Variants in PXK observed in about 807,000 individuals in gnomAD.
The protein encoded by PXK is PX domain containing serine/threonine kinase like.
In PXK, 35 loss-of-function variants were observed where a neutral mutation model predicts 84.7. The observed-to-expected ratio is 0.41, with a 90% CI of 0.32 to 0.55. The LOEUF (loss-of-function observed/expected upper bound fraction) is 0.55. PXK is among the 20% of genes least tolerant of loss of function. PXK has a pLI of 0.21. For synonymous variants in PXK, 253 were observed against 260.8 expected, an observed-to-expected ratio of 0.97 and a Z score of 0.29; for missense variants, 634 against 699.7, an observed-to-expected ratio of 0.91 and a Z score of 1.06.
rs151129246 is a variant in PXK, at chr3:58,359,399, G to T, written c.103-6475G>T. ...ACAAAAATTAGCCAGGCATGGTGGT[G>T]CGTGCCTGTAAATCCCAGCTACTCG... is the stretch of plus-strand genomic sequence containing the variant. On this transcript the variant is annotated intron_variant, in intron 1 of 17. Coordinates refer to ENST00000356151, the MANE Select transcript of PXK (RefSeq NM_017771.5). Among the ~76,000 whole-genome samples the T allele has an allele frequency of 8.3e-3, 1,254 of 151,874 alleles. 20 individuals are homozygous for T. Among genetic ancestry groups the T allele is most frequent in the African/African-American group, 0.029 (1,201 of 41,388 alleles).
At chr3:58,393,239 T>C (rs913762120) in intron 7 of PXK, among the ~76,000 whole-genome samples, 1 of 151,682 alleles carries the variant, frequency 6.6e-6, no homozygotes, top group Non-Finnish European at 1.5e-5. Context: ...TCCCAGCTAC[T>C]AGGAAGGCTG....
intron 7 of PXK, among the ~76,000 whole-genome samples, chr3:58,392,232 T>C (rs538915545): frequency 1.3e-5 from 2 of 152,198 alleles, no homozygotes; most frequent in East Asian, 3.9e-4. Flanking sequence ...AAAGGCAAAA[T>C]AGCCATTTTT....
intron 17 of PXK, chr3:58,423,512 G>C (rs1021095888): frequency 1.3e-6 from 2 of 1,535,634 alleles, no homozygotes; most frequent in Non-Finnish European, 1.7e-6. Context: ...ATTTTCTATT[G>C]TAAGACTTTA....
At position 58,394,057 on chromosome 3, in the gene PXK, A is replaced by T. The variant is rs528706655; in HGVS notation, c.616-941A>T. Reference sequence around the variant, plus strand: ...TGTGAATAGTAATGGCATGTGAATTATATCTCAACAAAGCTGTTAAAAAGT... The same window carrying T: ...TGTGAATAGTAATGGCATGTGAATTTTATCTCAACAAAGCTGTTAAAAAGT... On this transcript the variant is annotated intron_variant, in intron 7 of 17. Transcript: ENST00000356151. 2.0e-4 allele frequency among the ~76,000 whole-genome samples: 31 copies of T among 152,322 alleles called. No homozygotes were observed. In the South Asian group the frequency reaches 6.4e-3, roughly 32 times the overall value.
At chr3:58,336,071 A>ATATATATATTTTTT (rs1284780630) in intron 1 of PXK, among the ~76,000 whole-genome samples, 2 of 51,578 alleles carry the variant, frequency 3.9e-5, no homozygotes, top group Non-Finnish European at 6.5e-5. Flanking sequence ...ATATATATAT[A>ATATATATATTTTTT]TTTTTTTTTT....
At chr3:58,389,520 G>T (rs2106789189) in intron 4 of PXK, among the ~76,000 whole-genome samples, 1 of 152,146 alleles carries the variant, frequency 6.6e-6, no homozygotes, top group African/African-American at 2.4e-5. Context: ...AATAATTTTA[G>T]ATTTACATAG....
At chr3:58,369,508 A>C (rs752606274) in intron 3 of PXK, 30 bp downstream of exon 3, 16 of 1,571,842 alleles carry the variant, frequency 1.0e-5, no homozygotes, top group Non-Finnish European at 1.4e-5. Flanking sequence ...AATTACACAC[A>C]TTGATTACTT....
chr3:58,339,809 A>T (rs995584451), intron 1 of PXK, among the ~76,000 whole-genome samples: 2 of 151,828 alleles, frequency 1.3e-5, no homozygotes, highest in African/African-American at 4.8e-5. Flanking sequence ...ATTGTTCAAT[A>T]TATAGATTTT....
In PXK at chr3:58,369,418, T is replaced by C; in HGVS notation, c.154-13T>C. On this transcript the variant is annotated splice_polypyrimidine_tract_variant and intron_variant, in intron 2 of 17. Transcript: ENST00000356151. ...CTTTGCTGAATCAAAACACTACTTC[T>C]TGTCTCTTACAGATTGTTAGAAGAT... is the stretch of plus-strand genomic sequence containing the variant. 4 of 1,600,972 alleles carry C rather than the reference T, an allele frequency of 2.5e-6. No homozygotes were observed. Among genetic ancestry groups the C allele is most frequent in the Non-Finnish European group, 2.6e-6 (3 of 1,168,518 alleles).
chr3:58,364,732 A>G lies in PXK; in HGVS notation c.103-1142A>G, dbSNP rs2098245353. ...GTCTCAAAAAAAAAAAATCATTATG[A>G]AGATCAAATTATGTATTTCATATTG... On this transcript the variant is annotated intron_variant, in intron 1 of 17. Transcript: ENST00000356151. This position sits in a 1 kb window ranked among gnomAD's most constrained non-coding sequence, Gnocchi z 4.3. Among the ~76,000 whole-genome samples the G allele has an allele frequency of 6.6e-6, 1 of 152,076 alleles. No homozygotes were observed. The highest frequency in any genetic ancestry group is 1.5e-5 in the Non-Finnish European group (1 of 68,016).
At chr3:58,351,005 C>T (rs1188277233) in intron 1 of PXK, among the ~76,000 whole-genome samples, 1 of 152,170 alleles carries the variant, frequency 6.6e-6, no homozygotes, top group African/African-American at 2.4e-5. Flanking sequence ...TTTAGCAGCC[C>T]TGTTACAAGT....
chr3:58,397,764 G>A lies in PXK; in HGVS notation c.1102+42G>A. 18 of 1,485,722 alleles carry A rather than the reference G, an allele frequency of 1.2e-5. No individual in the cohort carries two copies. Among genetic ancestry groups the A allele is most frequent in the Non-Finnish European group, 1.7e-5 (18 of 1,065,238 alleles). The allele number at this position is 1,485,722 out of a possible 1,614,324, so 92.0% of individuals were successfully genotyped here. A position where few individuals can be genotyped will look rare whatever the true frequency, so the allele number is the denominator to read the frequency against. ...GAAGGGTCTTCTGGGCCCTAGTAGT[G>A]TGCAGAGCCACTCATCCCCTTTCCA... On this transcript the variant is annotated intron_variant, in intron 11 of 17. Coordinates refer to ENST00000356151, the MANE Select transcript of PXK (RefSeq NM_017771.5). This position sits in a 1 kb window ranked among gnomAD's most constrained non-coding sequence, Gnocchi z 4.7.
intron 1 of PXK, among the ~76,000 whole-genome samples, chr3:58,352,240 A>G (rs2097945657): frequency 6.6e-6 from 1 of 152,174 alleles, no homozygotes; most frequent in South Asian, 2.1e-4. Context: ...TCTTTGAGGC[A>G]GTGGAAAAGG....
At position 58,345,912 on chromosome 3, in the gene PXK, C is replaced by T. The variant is rs149109948; in HGVS notation, c.102+12822C>T. On this transcript the variant is annotated intron_variant, in intron 1 of 17. Transcript: ENST00000356151. ...CATCCTCTTCCAGACTCTTAGTAAC[C>T]CACCATAAGGATCTCAGTTTAAAAA... Among the ~76,000 whole-genome samples the T allele has an allele frequency of 2.7e-3, 413 of 152,266 alleles. 3 individuals carry two copies. The highest frequency in any genetic ancestry group is 0.02 in the Middle Eastern group (6 of 294).
chr3:58,364,431 G>T lies in PXK; in HGVS notation c.103-1443G>T, dbSNP rs549468640. Among the ~76,000 whole-genome samples, 1 of 152,278 alleles carries T rather than the reference G, an allele frequency of 6.6e-6. No individual in the cohort carries two copies. The highest frequency in any genetic ancestry group is 1.9e-4 in the East Asian group (1 of 5,186). On this transcript the variant is annotated intron_variant, in intron 1 of 17. Transcript: ENST00000356151. This position sits in a 1 kb window ranked among gnomAD's most constrained non-coding sequence, Gnocchi z 4.3. ...TGAATTTAATTATAAATCATTATAGGCTGGGCGCGGTGGCTCACGCCTGTA... is the reference window on the plus strand; with the variant it reads ...TGAATTTAATTATAAATCATTATAGTCTGGGCGCGGTGGCTCACGCCTGTA...
In PXK at chr3:58,390,024, A is replaced by G. The variant is rs910323194; in HGVS notation, c.389-558A>G. 1.5e-5 allele frequency among the ~76,000 whole-genome samples: 2 copies of G among 130,248 alleles called. No homozygotes were observed. The highest frequency in any genetic ancestry group is 1.6e-4 in the Admixed American group (2 of 12,396). The allele number at this position is 130,248 out of a possible 152,430, so 85.4% of individuals were successfully genotyped here. On this transcript the variant is annotated intron_variant, in intron 4 of 17. Coordinates refer to ENST00000356151, the MANE Select transcript of PXK (RefSeq NM_017771.5). The surrounding 1 kb of genome is among the most constrained non-coding windows in gnomAD (Gnocchi z 4.2). ...CAAAAAAAAAAAAAAAAAAAAAAAA[A>G]CAATTTAGCCAGGCGTGATGGCCCA... is the stretch of plus-strand genomic sequence containing the variant.
At chr3:58,395,227 G>T in intron 8 of PXK, 125 bp downstream of exon 8, 1 of 629,182 alleles carries the variant, frequency 1.6e-6, no homozygotes, top group South Asian at 3.2e-5. Context: ...GATTTTATTT[G>T]GAATTTATTT....
chr3:58,391,182 A>G lies in PXK; in HGVS notation c.502A>G (p.Ile168Val). The G allele has an allele frequency of 1.2e-6, 2 of 1,613,850 alleles. No individual in the cohort carries two copies. Among genetic ancestry groups the G allele is most frequent in the Non-Finnish European group, 1.7e-6 (2 of 1,179,800 alleles). Residue 168 changes from isoleucine (I) to valine (V), a missense_variant, in exon 6 of 18, where the codon ATT (isoleucine) becomes GTT (valine). By Grantham distance (29) the Ile-to-Val change is conservative. Coordinates refer to ENST00000356151, the MANE Select transcript of PXK (RefSeq NM_017771.5). ...RIRKKYFLMK[I>V]KNQPKERLVL... ...AAGGAAGAAATATTTCTTGATGAAG[A>G]TTAAAAATCAGCCAAAGGAACGGCT...
intron 4 of PXK, among the ~76,000 whole-genome samples, chr3:58,387,595 G>T (rs1275414452): frequency 5.3e-5 from 8 of 152,156 alleles, no homozygotes; most frequent in Non-Finnish European, 1.2e-4. Context: ...CCTACACGGA[G>T]ATCTGAGGGG....
Sources: gnomAD v4.1 joint callset for allele counts (sites outside exome capture counted in the v4.1 genomes callset) on GRCh38, gnomAD v4.1.1 for gene constraint, Gnocchi (gnomAD v3.1) non-coding constraint, MANE v1.5 for transcripts, NCBI Gene and HGNC (gene_info 2026-07-23, HGNC 2026-07-21) for gene names.